POC1A: variants seen among roughly 807,000 people sequenced by gnomAD.
POC1A encodes POC1 centriolar protein A, also known as POC1 centriolar protein homolog A.
In POC1A, 34 loss-of-function variants were observed where a neutral mutation model predicts 47.8. The ratio of observed to expected loss-of-function variants is 0.71; its 90% confidence interval spans 0.54 to 0.95. The LOEUF (loss-of-function observed/expected upper bound fraction) is 0.95. Ranked by LOEUF, POC1A falls within the 40% of genes least tolerant of loss-of-function variation. The pLI is 0.00. For missense variants in POC1A, 466 were observed against 528.3 expected, an observed-to-expected ratio of 0.88 and a Z score of 1.16; for synonymous variants, 177 against 207.6, an observed-to-expected ratio of 0.85 and a Z score of 1.27.
intron 7 of POC1A, among the ~76,000 whole-genome samples, chr3:52,134,482 A>G (rs1230885191): frequency 6.6e-6 from 1 of 151,958 alleles, no homozygotes; most frequent in Non-Finnish European, 1.5e-5. Context: ...AAATACAAAA[A>G]TTAGCCGGGT....
chr3:52,109,944 C>A (rs1410877751), intron 9 of POC1A, among the ~76,000 whole-genome samples: 1 of 152,106 alleles, frequency 6.6e-6, no homozygotes, highest in Non-Finnish European at 1.5e-5. Flanking sequence ...CTAATCTAGG[C>A]ATGCAGACTC....
At chr3:52,121,337 T>A (rs1026004475) in intron 9 of POC1A, among the ~76,000 whole-genome samples, 5 of 152,182 alleles carry the variant, frequency 3.3e-5, no homozygotes, top group East Asian at 1.9e-4. Context: ...TGCAGCCCAG[T>A]CATCCCCCAA....
chr3:52,139,674 C>T (rs898826526), intron 6 of POC1A, among the ~76,000 whole-genome samples: 1 of 152,186 alleles, frequency 6.6e-6, no homozygotes, highest in African/African-American at 2.4e-5. Flanking sequence ...ATCTGGATCT[C>T]CCATGAGACC....
chr3:52,142,090 T>C (rs1383720978), intron 6 of POC1A, among the ~76,000 whole-genome samples: 6 of 152,220 alleles, frequency 3.9e-5, no homozygotes, highest in African/African-American at 1.4e-4. Context: ...CTCAGACCCA[T>C]AGCTTTCTAG....
At chr3:52,103,419 G>C (rs1703065215) in intron 9 of POC1A, among the ~76,000 whole-genome samples, 1 of 152,164 alleles carries the variant, frequency 6.6e-6, no homozygotes, top group Non-Finnish European at 1.5e-5. Flanking sequence ...CCACCTATTA[G>C]GGAGGCTAAG....
At chr3:52,112,802 C>T (rs1441004775) in intron 9 of POC1A, among the ~76,000 whole-genome samples, 1 of 152,166 alleles carries the variant, frequency 6.6e-6, no homozygotes. Context: ...ATAGAAACTT[C>T]GAAGATAAAG....
At chr3:52,089,755 A>G (rs1267873546) in intron 10 of POC1A, among the ~76,000 whole-genome samples, 3 of 152,178 alleles carry the variant, frequency 2.0e-5, no homozygotes, top group African/African-American at 7.2e-5. Context: ...ACCGATCCCC[A>G]TGGAAAACTG....
intron 9 of POC1A, among the ~76,000 whole-genome samples, chr3:52,122,026 C>A (rs1259539498): frequency 1.3e-5 from 2 of 152,156 alleles, no homozygotes; most frequent in African/African-American, 4.8e-5. Flanking sequence ...CTCTAGGAGC[C>A]CCACGTTTGG....
At position 52,075,941 on chromosome 3, in the gene POC1A, C is replaced by T. The variant is rs765497481; in HGVS notation, c.1170G>A (p.Lys390=). The T allele has an allele frequency of 3.1e-6, 5 of 1,613,988 alleles. No individual in the cohort carries two copies. Among genetic ancestry groups the T allele is most frequent in the Non-Finnish European group, 4.2e-6 (5 of 1,179,938 alleles). The change falls in exon 11 of 11, where the codon AAG becomes AAA. Residue 390 remains lysine (K), a synonymous_variant. Coordinates refer to ENST00000296484, the MANE Select transcript of POC1A (RefSeq NM_015426.5). ...GCTGGTTCTCCAGACACTGCTTCAGCTTGTCTTCTGTCAGTGTCAACCGCT... is the reference window on the plus strand; with the variant it reads ...GCTGGTTCTCCAGACACTGCTTCAGTTTGTCTTCTGTCAGTGTCAACCGCT... The part of the protein sequence containing the change: ...LEQRLTLTED[K]LKQCLENQQL...
Position 52,125,155 on chromosome 3 carries a change from T to C in POC1A, c.840A>G (p.Ser280=). 1.2e-6 allele frequency: 2 copies of C among 1,614,064 alleles called. No homozygotes were observed. The highest frequency in any genetic ancestry group is 1.7e-6 in the Non-Finnish European group (2 of 1,179,946). The part of the protein sequence containing the change: ...HQGPATTVAF[S]RTGEYFASGG... Reference sequence around the variant, plus strand: ...CAGAAGCAAAATACTCCCCCGTTCTTGAAAAGGCAACAGTGGTGGCTGGTC... The same window carrying C: ...CAGAAGCAAAATACTCCCCCGTTCTCGAAAAGGCAACAGTGGTGGCTGGTC... The change falls in exon 8 of 11, where the codon TCA becomes TCG. Residue 280 remains serine (S), a synonymous_variant. Transcript: ENST00000296484.
At chr3:52,114,965 G>T (rs920675766) in intron 9 of POC1A, among the ~76,000 whole-genome samples, 1 of 152,194 alleles carries the variant, frequency 6.6e-6, no homozygotes, top group Non-Finnish European at 1.5e-5. Context: ...CAAAGTGAGA[G>T]CCACAACACA....
chr3:52,125,099 T>C lies in POC1A; in HGVS notation c.882+14A>G. Reference sequence around the variant, plus strand: ...TCCCTTCTTCACCATTCCATTCGACTACTCTTTACTTACTTGTTCATCAGA... The same window carrying C: ...TCCCTTCTTCACCATTCCATTCGACCACTCTTTACTTACTTGTTCATCAGA... On this transcript the variant is annotated intron_variant, in intron 8 of 10. Transcript: ENST00000296484. 1 of 1,585,864 alleles carries C rather than the reference T, an allele frequency of 6.3e-7. No individual in the cohort carries two copies. The highest frequency in any genetic ancestry group is 8.7e-7 in the Non-Finnish European group (1 of 1,154,358).
At chr3:52,135,488 A>G (rs1490756932) in intron 7 of POC1A, among the ~76,000 whole-genome samples, 4 of 152,124 alleles carry the variant, frequency 2.6e-5, no homozygotes, top group Non-Finnish European at 4.4e-5. Context: ...GGCTCAAGCA[A>G]TCTTCCCACT....
In POC1A at chr3:52,138,320, G is replaced by C. The variant is rs780334893; in HGVS notation, c.680-18C>G. 1 of 1,604,058 alleles carries C rather than the reference G, an allele frequency of 6.2e-7. No homozygotes were observed. Among genetic ancestry groups the C allele is most frequent in the Non-Finnish European group, 8.5e-7 (1 of 1,175,078 alleles). ...ACTGTGCACTGGGGGAAGGACATCAGTCAGGTGCTGGCTAGGAGGCACAGG... is the reference window on the plus strand; with the variant it reads ...ACTGTGCACTGGGGGAAGGACATCACTCAGGTGCTGGCTAGGAGGCACAGG... On this transcript the variant is annotated intron_variant, in intron 6 of 10. Transcript: ENST00000296484.
chr3:52,120,058 A>T (rs1703717707), intron 9 of POC1A, among the ~76,000 whole-genome samples: 1 of 152,212 alleles, frequency 6.6e-6, no homozygotes, highest in Admixed American at 6.5e-5. Context: ...GAAGGGCGAG[A>T]GCACACTCAT....
chr3:52,143,614 G>A (rs1438486839), intron 6 of POC1A, among the ~76,000 whole-genome samples: 1 of 152,072 alleles, frequency 6.6e-6, no homozygotes, highest in African/African-American at 2.4e-5. Context: ...GGGTCCAGCT[G>A]GCCCCTCCAC....
intron 1 of POC1A, among the ~76,000 whole-genome samples, chr3:52,152,780 G>C (rs1577934602): frequency 6.6e-6 from 1 of 152,050 alleles, no homozygotes; most frequent in Non-Finnish European, 1.5e-5. Context: ...ACACATGACT[G>C]AATAAACCAA....
intron 9 of POC1A, 39 bp downstream of exon 9, chr3:52,122,338 CAG>C (rs779947468): frequency 1.7e-6 from 2 of 1,171,082 alleles, no homozygotes; most frequent in Admixed American, 1.7e-5. Context: ...CCTAGCCCAC[CAG>C]AGTCACAGAG....
intron 9 of POC1A, among the ~76,000 whole-genome samples, chr3:52,121,087 C>T (rs533602623): frequency 1.3e-5 from 2 of 152,310 alleles, no homozygotes; most frequent in East Asian, 1.9e-4. Flanking sequence ...GACTAAGCCC[C>T]AGGTGTCTCA....
Sources: gnomAD v4.1 joint callset for allele counts (sites outside exome capture counted in the v4.1 genomes callset) on GRCh38, gnomAD v4.1.1 for gene constraint, MANE v1.5 for transcripts, NCBI Gene and HGNC (gene_info 2026-07-23, HGNC 2026-07-21) for gene names.